The following ATP2C1 variants were observed in gnomAD, a reference collection of about 807,000 sequenced individuals.
ATP2C1 encodes ATPase secretory pathway Ca2+ transporting 1, also known as calcium-transporting ATPase type 2C member 1.
ATP2C1 carries 31 observed loss-of-function variants against 120.5 expected under a neutral mutation model. The observed-to-expected ratio is 0.26, with a 90% CI of 0.19 to 0.35. ATP2C1 has a LOEUF of 0.35. Among genes scored for constraint, ATP2C1 ranks in the 10% least tolerant of loss-of-function variants. The pLI is 1.00. For synonymous variants in ATP2C1, 351 were observed against 358.7 expected (o/e 0.98, Z 0.24); for missense variants, 731 against 1,107.5 (o/e 0.66, Z 4.83).
intron 2 of ATP2C1, among the ~76,000 whole-genome samples, chr3:130,924,757 TTTA>T (rs1374703572): frequency 5.9e-5 from 9 of 152,124 alleles, no homozygotes; most frequent in Non-Finnish European, 1.3e-4. Context: ...GGATGCTTTG[TTTA>T]TTTTTTTTAA....
chr3:130,886,720 T>C (rs1444006353), intron 1 of ATP2C1, among the ~76,000 whole-genome samples: 1 of 152,238 alleles, frequency 6.6e-6, no homozygotes, highest in Non-Finnish European at 1.5e-5. Context: ...TTGTTAAATT[T>C]ATCTGATAAA....
intron 17 of ATP2C1, among the ~76,000 whole-genome samples, chr3:130,970,708 A>G (rs1169225818): frequency 6.6e-6 from 1 of 151,972 alleles, no homozygotes; most frequent in Non-Finnish European, 1.5e-5. Flanking sequence ...TGTTATTTTT[A>G]TAGTTCCTTT....
intron 16 of ATP2C1, 23 bp from the exon 17 acceptor site, chr3:130,969,269 A>T (rs377505433): frequency 3.1e-5 from 47 of 1,527,398 alleles, no homozygotes; most frequent in Middle Eastern, 1.7e-4. Flanking sequence ...GGTGAGAATT[A>T]ACTTTCTCTT....
chr3:130,982,882 A>C (rs1164483015), intron 20 of ATP2C1, among the ~76,000 whole-genome samples: 1 of 152,220 alleles, frequency 6.6e-6, no homozygotes, highest in East Asian at 1.9e-4. Flanking sequence ...CAGGTTATGC[A>C]TCCACAGAGT....
At chr3:130,920,417 T>C (rs1201286889) in intron 2 of ATP2C1, among the ~76,000 whole-genome samples, 1 of 152,178 alleles carries the variant, frequency 6.6e-6, no homozygotes, top group African/African-American at 2.4e-5. Context: ...ATATGAAGTT[T>C]TCCTGATGCC....
intron 2 of ATP2C1, among the ~76,000 whole-genome samples, chr3:130,895,647 A>G (rs1403807696): frequency 1.3e-5 from 2 of 152,164 alleles, no homozygotes; most frequent in Admixed American, 6.5e-5. Flanking sequence ...TTCCTCTGGT[A>G]TAATTTGTTT....
At chr3:130,980,784 A>G (rs2061722209) in intron 20 of ATP2C1, 105 bp downstream of exon 20, 1 of 851,284 alleles carries the variant, frequency 1.2e-6, no homozygotes, top group South Asian at 1.4e-5. Flanking sequence ...TCAGGGATTT[A>G]AATAACCACC....
chr3:130,950,250 TATAG>T (rs535094405), intron 8 of ATP2C1, among the ~76,000 whole-genome samples: 37 of 152,256 alleles, frequency 2.4e-4, no homozygotes, highest in Non-Finnish European at 4.7e-4. Flanking sequence ...TGAACTGTTT[TATAG>T]CATATTCACA....
At chr3:130,996,827 A>G in intron 24 of ATP2C1, 31 bp downstream of exon 24, 1 of 1,421,180 alleles carries the variant, frequency 7.0e-7, no homozygotes, top group Non-Finnish European at 1.0e-6. Context: ...TGAGCTGGAA[A>G]GACAAGGAAT....
chr3:130,950,331 C>A (rs1309755376), intron 8 of ATP2C1, among the ~76,000 whole-genome samples: 1 of 152,094 alleles, frequency 6.6e-6, no homozygotes, highest in South Asian at 2.1e-4. Flanking sequence ...AACAGGTCTT[C>A]TGAGGGTTTA....
Position 131,001,822 on chromosome 3 carries a change from G to A in ATP2C1, c.*472G>A. ...TGATTCCCAGGAGTGCCATATTTCA[G>A]CTACTGTATTTCCTTTTTCTTGTAA... On this transcript the variant is annotated 3_prime_UTR_variant, in exon 28 of 28. Coordinates refer to ENST00000510168, the MANE Select transcript of ATP2C1 (RefSeq NM_001378687.1). 7.1e-6 allele frequency: 7 copies of A among 986,044 alleles called. No individual in the cohort carries two copies. Among genetic ancestry groups the A allele is most frequent in the Non-Finnish European group, 8.4e-6 (7 of 830,172 alleles). 61.1% of individuals were successfully genotyped at this position (986,044 alleles called of 1,614,324 possible).
At chr3:131,003,922 T>A (rs1396838581), downstream of ATP2C1, among the ~76,000 whole-genome samples, 3 of 152,218 alleles carry the variant, frequency 2.0e-5, no homozygotes, top group Non-Finnish European at 4.4e-5. Flanking sequence ...CTACCTTGCT[T>A]TCTGCCTCTG....
intron 1 of ATP2C1, among the ~76,000 whole-genome samples, chr3:130,865,781 G>GT (rs1289159996): frequency 6.6e-6 from 1 of 152,174 alleles, no homozygotes; most frequent in East Asian, 1.9e-4. Flanking sequence ...ATGTGGAACT[G>GT]TAAGTCCAAT....
At chr3:130,957,696 C>T (rs182529686) in intron 11 of ATP2C1, among the ~76,000 whole-genome samples, 73 of 152,052 alleles carry the variant, frequency 4.8e-4, no homozygotes, top group Admixed American at 2.4e-3. Flanking sequence ...TACAGGTGTG[C>T]ACCACCACAC....
chr3:130,857,779 A>G (rs1372664941), intron 1 of ATP2C1, among the ~76,000 whole-genome samples: 1 of 152,184 alleles, frequency 6.6e-6, no homozygotes, highest in East Asian at 1.9e-4. Context: ...ACAGAACTAG[A>G]GGATATTTGC....
intron 16 of ATP2C1, among the ~76,000 whole-genome samples, chr3:130,968,865 G>C (rs1302383841): frequency 3.9e-5 from 6 of 152,074 alleles, no homozygotes; most frequent in Non-Finnish European, 7.4e-5. Flanking sequence ...AGTGGCAGAG[G>C]GTAAGGGACT....
chr3:130,919,900 A>T (rs779923175), intron 2 of ATP2C1, among the ~76,000 whole-genome samples: 5 of 152,068 alleles, frequency 3.3e-5, no homozygotes, highest in Non-Finnish European at 7.3e-5. Context: ...TACAGGTGTG[A>T]GGTAATATTG....
At chr3:130,872,022 C>CA (rs11347303) in intron 1 of ATP2C1, among the ~76,000 whole-genome samples, 13,561 of 117,410 alleles carry the variant, frequency 0.12, 737 homozygotes, top group East Asian at 0.19. Context: ...AACTCTGTCT[C>CA]AAAAAAAAAA....
upstream of ATP2C1, among the ~76,000 whole-genome samples, chr3:130,891,695 A>G (rs1406044825): frequency 2.0e-5 from 3 of 152,172 alleles, no homozygotes; most frequent in African/African-American, 7.2e-5. Context: ...AGTGCTTATA[A>G]TTTGCAACCT....
Sources: gnomAD v4.1 joint callset for allele counts (sites outside exome capture counted in the v4.1 genomes callset) on GRCh38, gnomAD v4.1.1 for gene constraint, MANE v1.5 for transcripts, NCBI Gene and HGNC (gene_info 2026-07-23, HGNC 2026-07-21) for gene names.